C3orf20: variants seen among roughly 807,000 people sequenced by gnomAD.
The protein encoded by C3orf20 is family with sequence similarity 149 member C, also known as uncharacterized protein C3orf20.
A neutral mutation model predicts 88.3 loss-of-function variants in C3orf20; 76 were observed. That is an observed-to-expected ratio of 0.86 (90% CI 0.72 to 1.04). C3orf20 has a LOEUF of 1.04. Ranked by LOEUF, C3orf20 falls within the 50% of genes least tolerant of loss-of-function variation. C3orf20 has a pLI of 0.00. For missense variants in C3orf20, 1,056 were observed against 1,123.3 expected (o/e 0.94, Z 0.86); for synonymous variants, 436 against 437.4 (o/e 1.00, Z 0.04).
chr3:14,695,869 T>A (rs1392834138), intron 5 of C3orf20, among the ~76,000 whole-genome samples: 2 of 152,180 alleles, frequency 1.3e-5, no homozygotes, highest in Non-Finnish European at 2.9e-5. Context: ...TTTCAGTTTA[T>A]GTGCGTCTTT....
chr3:14,680,089 TG>T (rs2032006085), intron 1 of C3orf20, among the ~76,000 whole-genome samples: 1 of 152,208 alleles, frequency 6.6e-6, no homozygotes, highest in Non-Finnish European at 1.5e-5. Context: ...TACAGCAGTC[TG>T]GCAAGCCCTC....
chr3:14,737,687 A>G (rs904434876), intron 12 of C3orf20, among the ~76,000 whole-genome samples: 11 of 152,368 alleles, frequency 7.2e-5, no homozygotes, highest in African/African-American at 2.6e-4. Context: ...AGAAGACAGC[A>G]AAAAAGTTTG....
intron 6 of C3orf20, among the ~76,000 whole-genome samples, chr3:14,704,129 G>C (rs1216463405): frequency 6.6e-6 from 1 of 152,090 alleles, no homozygotes; most frequent in Non-Finnish European, 1.5e-5. Flanking sequence ...TGGAAATCAG[G>C]CAAGGGCTAT....
intron 10 of C3orf20, among the ~76,000 whole-genome samples, chr3:14,724,183 G>A (rs1372686257): frequency 6.6e-6 from 1 of 152,084 alleles, no homozygotes; most frequent in Non-Finnish European, 1.5e-5. Context: ...TATGTTTCTT[G>A]GAAACCTTTT....
chr3:14,731,354 CA>C (rs1256076956), intron 12 of C3orf20, among the ~76,000 whole-genome samples: 1 of 152,150 alleles, frequency 6.6e-6, no homozygotes, highest in Non-Finnish European at 1.5e-5. Flanking sequence ...TGTTCTGTCT[CA>C]GGGGGCCCCC....
intron 15 of C3orf20, among the ~76,000 whole-genome samples, chr3:14,767,781 T>C (rs369794593): frequency 1.9e-4 from 29 of 152,386 alleles, no homozygotes; most frequent in South Asian, 1.4e-3. Context: ...TCTTCTACAC[T>C]GCTGTGCGCC....
intron 4 of C3orf20, among the ~76,000 whole-genome samples, chr3:14,686,199 T>TGTGTGTGTGTGG (rs1270839199): frequency 6.6e-6 from 1 of 152,046 alleles, no homozygotes; most frequent in Non-Finnish European, 1.5e-5. Context: ...TATTCGTGTG[T>TGTGTGTGTGTGG]GTGTGTGTGT....
chr3:14,703,019 C>T, intron 5 of C3orf20, 111 bp from the exon 6 acceptor site: 1 of 1,314,040 alleles, frequency 7.6e-7, no homozygotes, highest in Non-Finnish European at 1.1e-6. Context: ...AATTTTAAAG[C>T]TCCAAAATGA....
At position 14,704,350 on chromosome 3, in the gene C3orf20, G is replaced by A. The variant is rs17040196; in HGVS notation, c.892G>A (p.Ala298Thr). The change falls in exon 7 of 17, where the codon GCC (alanine) becomes ACC (threonine). Residue 298 changes from alanine (A) to threonine (T), a missense_variant. Ala to Thr is a moderately conservative substitution (Grantham distance 58). Coordinates refer to ENST00000253697, the MANE Select transcript of C3orf20 (RefSeq NM_032137.5). Reference sequence around the variant, plus strand: ...CCTTCTCTGCAGAGAAGCTGAAAGGGCCACATGGAAAGGGAGGAATATCTC... The same window carrying A: ...CCTTCTCTGCAGAGAAGCTGAAAGGACCACATGGAAAGGGAGGAATATCTC... ...ELCRHIEAER[A>T]TWKGRNISYP... is the part of the protein sequence containing the mutation. The A allele has an allele frequency of 0.41, 656,921 of 1,613,286 alleles. 135,711 individuals carry two copies. Among genetic ancestry groups the A allele is most frequent in the Middle Eastern group, 0.47 (2,861 of 6,058 alleles).
chr3:14,713,864 T>C (rs2033840558), intron 7 of C3orf20, 143 bp from the exon 8 acceptor site: 1 of 819,668 alleles, frequency 1.2e-6, no homozygotes, highest in South Asian at 1.8e-5. Context: ...TTGTTACTTA[T>C]GCAAAATGCA....
At chr3:14,684,574 G>A (rs2032296889) in intron 4 of C3orf20, among the ~76,000 whole-genome samples, 192 bp downstream of exon 4, 1 of 152,154 alleles carries the variant, frequency 6.6e-6, no homozygotes. Flanking sequence ...GTGGTTTGGC[G>A]GTATCTGCTG....
At chr3:14,712,116 A>T (rs558177169) in intron 7 of C3orf20, among the ~76,000 whole-genome samples, 1 of 152,092 alleles carries the variant, frequency 6.6e-6, no homozygotes, top group South Asian at 2.1e-4. Flanking sequence ...GGTGGGCCCT[A>T]CTGCAATGAC....
intron 5 of C3orf20, among the ~76,000 whole-genome samples, chr3:14,695,898 T>C (rs2032975048): frequency 6.6e-6 from 1 of 152,152 alleles, no homozygotes; most frequent in Admixed American, 6.5e-5. Flanking sequence ...AGTGTGCTTC[T>C]GATCATGGGG....
intron 5 of C3orf20, among the ~76,000 whole-genome samples, chr3:14,695,939 T>C (rs1355871243): frequency 6.6e-6 from 1 of 152,080 alleles, no homozygotes; most frequent in Non-Finnish European, 1.5e-5. Context: ...AACAACCCTA[T>C]GTCGTTTGAT....
Position 14,757,524 on chromosome 3 carries a change from G to A in C3orf20, c.2094G>A (p.Glu698=), listed in dbSNP as rs914687266. 3 of 1,613,986 alleles carry A rather than the reference G, an allele frequency of 1.9e-6. No individual in the cohort carries two copies. Among genetic ancestry groups the A allele is most frequent in the South Asian group, 1.1e-5 (1 of 91,088 alleles). ...CCCTGGTCTCTGACGTGGAGCTGGA[G>A]CGCTTCCTGTTGGCGCCCCGAGACC... ...KAPLVSDVEL[E]RFLLAPRDPS... The change falls in exon 13 of 17, where the codon GAG becomes GAA. Residue 698 remains glutamate, a synonymous_variant. Transcript: ENST00000253697.
chr3:14,752,449 A>G (rs2035247226), intron 12 of C3orf20, among the ~76,000 whole-genome samples: 2 of 152,256 alleles, frequency 1.3e-5, no homozygotes, highest in African/African-American at 4.8e-5. Flanking sequence ...TGACTAAAAC[A>G]TCAAAAGCAA....
intron 15 of C3orf20, among the ~76,000 whole-genome samples, 177 bp downstream of exon 15, chr3:14,761,792 G>A (rs1451146947): frequency 2.6e-5 from 4 of 152,064 alleles, no homozygotes; most frequent in South Asian, 2.1e-4. Flanking sequence ...CAAAAACTGC[G>A]GCAGGAGGAC....
In C3orf20 at chr3:14,764,415, T is replaced by C. The variant is rs375584719; in HGVS notation, c.2495+2800T>C. 7.8e-4 allele frequency among the ~76,000 whole-genome samples: 119 copies of C among 152,312 alleles called. 4 individuals are homozygous for C. The South Asian group carries it at 0.015, about 19-fold the overall frequency. On this transcript the variant is annotated intron_variant, in intron 15 of 16. Coordinates refer to ENST00000253697, the MANE Select transcript of C3orf20 (RefSeq NM_032137.5). Reference sequence around the variant, plus strand: ...TAATTGAAAGCATTGCCATAGCAGTTGTTCCTATAATCCGTATCTGTGAAA... The same window carrying C: ...TAATTGAAAGCATTGCCATAGCAGTCGTTCCTATAATCCGTATCTGTGAAA...
intron 4 of C3orf20, among the ~76,000 whole-genome samples, chr3:14,686,069 C>A (rs190284131): frequency 2.7e-3 from 417 of 152,196 alleles, no homozygotes; most frequent in Middle Eastern, 6.8e-3. Context: ...ACCATGTTGG[C>A]CAGGATGGTC....
Sources: allele counts gnomAD v4.1 joint callset (sites outside exome capture counted in the v4.1 genomes callset), GRCh38; gene constraint gnomAD v4.1.1; transcripts MANE v1.5; gene names NCBI Gene and HGNC (gene_info 2026-07-23, HGNC 2026-07-21).